The following ADCY9 variants were observed in gnomAD, a reference collection of about 807,000 sequenced individuals.
ADCY9 encodes adenylate cyclase type 9.
ADCY9 carries 50 observed loss-of-function variants against 101.5 expected under a neutral mutation model. The observed-to-expected ratio is 0.49, with a 90% CI of 0.39 to 0.62. ADCY9 has a LOEUF of 0.62. ADCY9 is among the 20% of genes least tolerant of loss of function. The pLI, the probability that ADCY9 is intolerant of heterozygous loss-of-function variation, is 0.00. For synonymous variants in ADCY9, 905 were observed against 769.3 expected, an observed-to-expected ratio of 1.18 and a Z score of -2.92; for missense variants, 1,662 against 1,800.4, an observed-to-expected ratio of 0.92 and a Z score of 1.39.
intron 2 of ADCY9, among the ~76,000 whole-genome samples, chr16:4,017,196 A>G (rs541486103): frequency 6.0e-5 from 9 of 150,164 alleles, no homozygotes; most frequent in African/African-American, 2.2e-4. Context: ...ATACAATAAA[A>G]TAAACTAAAT....
intron 2 of ADCY9, among the ~76,000 whole-genome samples, chr16:4,046,575 G>A (rs1266891174): frequency 6.6e-6 from 1 of 152,182 alleles, no homozygotes; most frequent in Non-Finnish European, 1.5e-5. Flanking sequence ...TGTGAAACTT[G>A]TCTACTTCAT....
chr16:3,999,133 A>T (rs1284477492), intron 3 of ADCY9, among the ~76,000 whole-genome samples: 1 of 152,148 alleles, frequency 6.6e-6, no homozygotes, highest in Non-Finnish European at 1.5e-5. Context: ...CTCCCTGGGA[A>T]GAGTATTTCT....
chr16:4,110,534 C>T (rs1001565325), intron 2 of ADCY9, among the ~76,000 whole-genome samples: 5 of 152,016 alleles, frequency 3.3e-5, no homozygotes, highest in East Asian at 1.9e-4. Context: ...GGATTACAGG[C>T]GCACACCACC....
At chr16:3,974,612 CAGGGT>C (rs1470445773) in intron 10 of ADCY9, 52 bp downstream of exon 10, 16 of 1,415,424 alleles carry the variant, frequency 1.1e-5, no homozygotes, top group Non-Finnish European at 3.0e-6. Flanking sequence ...TCGAAATGGG[CAGGGT>C]AATACAGTCA....
At chr16:3,959,387 C>T (rs183594884), downstream of ADCY9, among the ~76,000 whole-genome samples, 22 of 150,354 alleles carry the variant, frequency 1.5e-4, no homozygotes, top group African/African-American at 5.4e-4. Flanking sequence ...AAAAAATGTC[C>T]GTACTTGATT....
chr16:4,078,852 G>C (rs1034906), intron 2 of ADCY9, among the ~76,000 whole-genome samples: 21,889 of 152,052 alleles, frequency 0.14, 1,612 homozygotes, highest in Middle Eastern at 0.2. Context: ...GTAAGGAAAA[G>C]ACAACCAATT....
intron 2 of ADCY9, among the ~76,000 whole-genome samples, chr16:4,013,659 AC>A (rs2056418832): frequency 6.6e-6 from 1 of 152,236 alleles, no homozygotes; most frequent in African/African-American, 2.4e-5. Flanking sequence ...ATTCTTCCTC[AC>A]GACTAGGTCG....
At chr16:4,003,540 A>C (rs1238734543) in intron 3 of ADCY9, among the ~76,000 whole-genome samples, 3 of 151,292 alleles carry the variant, frequency 2.0e-5, no homozygotes, top group Non-Finnish European at 4.4e-5. Context: ...AGAGGAATTA[A>C]GTGTGTGTTT....
At chr16:4,061,561 C>G (rs2056773664) in intron 2 of ADCY9, among the ~76,000 whole-genome samples, 1 of 152,118 alleles carries the variant, frequency 6.6e-6, no homozygotes, top group African/African-American at 2.4e-5. Flanking sequence ...AGTAAAATGA[C>G]ATATTCAAAG....
chr16:4,036,311 A>T (rs1228137598), intron 2 of ADCY9, among the ~76,000 whole-genome samples: 26 of 151,940 alleles, frequency 1.7e-4, no homozygotes, highest in Admixed American at 1.7e-3. Context: ...TTTTCTTTGA[A>T]AGTCTGTATT....
chr16:4,115,697 G>A lies in ADCY9; in HGVS notation c.-51C>T. On this transcript the variant is annotated 5_prime_UTR_variant, in exon 1 of 11. Coordinates refer to ENST00000294016, the MANE Select transcript of ADCY9 (RefSeq NM_001116.4). The surrounding 1 kb of genome is among the most constrained non-coding windows in gnomAD (Gnocchi z 6.2). ...GAACCGCTCGGGACGGACCTAGAAC[G>A]CCCGGGGGTCCCCGCCGCGTGGCCG... is the stretch of plus-strand genomic sequence containing the variant. 2.3e-6 allele frequency: 1 copy of A among 425,996 alleles called. No homozygotes were observed. Among genetic ancestry groups the A allele is most frequent in the Non-Finnish European group, 4.1e-6 (1 of 244,876 alleles). 26.4% of individuals were successfully genotyped at this position (425,996 alleles called of 1,614,324 possible).
rs140212543 is a variant in ADCY9 at position 3,988,989 on chromosome 16, C to T, written c.2310+5G>A. ...TAGTAAAAGCGCAAGGAGAAATGAA[C>T]GCACCTCTTCCTGATAGCTGGTCCT... On this transcript the variant is annotated splice_donor_5th_base_variant and intron_variant, in intron 6 of 10. Transcript: ENST00000294016. The T allele has an allele frequency of 5.0e-6, 8 of 1,606,270 alleles. No homozygotes were observed. Among genetic ancestry groups the T allele is most frequent in the African/African-American group, 1.3e-5 (1 of 74,856 alleles).
At position 3,963,199 on chromosome 16, in the gene ADCY9, A is replaced by G. The variant is rs2055954510; in HGVS notation, c.*2576T>C. 1 of 367,622 alleles carries G rather than the reference A, an allele frequency of 2.7e-6. No homozygotes were observed. The highest frequency in any genetic ancestry group is 4.8e-6 in the Non-Finnish European group (1 of 209,818). 22.8% of individuals were successfully genotyped at this position (367,622 alleles called of 1,614,324 possible). A position where few individuals can be genotyped will look rare whatever the true frequency, so the allele number is the denominator to read the frequency against. Reference sequence around the variant, plus strand: ...AGAAGAAAATAGCAATTGCAACTCAAAGCAACTATTTACACACATTCAATG... The same window carrying G: ...AGAAGAAAATAGCAATTGCAACTCAGAGCAACTATTTACACACATTCAATG... On this transcript the variant is annotated 3_prime_UTR_variant, in exon 11 of 11. Transcript: ENST00000294016.
At chr16:4,039,666 T>G (rs1597184148) in intron 2 of ADCY9, among the ~76,000 whole-genome samples, 4 of 114,364 alleles carry the variant, frequency 3.5e-5, no homozygotes, top group Admixed American at 1.1e-4. Context: ...GCAACAAGAG[T>G]GAAACTCTGT....
intron 2 of ADCY9, among the ~76,000 whole-genome samples, chr16:4,107,281 T>C (rs990808960): frequency 1.3e-5 from 2 of 152,146 alleles, no homozygotes; most frequent in African/African-American, 4.8e-5. Context: ...CTGGGCGTGG[T>C]GGCTCACGCC....
At chr16:4,050,324 G>A (rs1326506508) in intron 2 of ADCY9, among the ~76,000 whole-genome samples, 22 of 152,246 alleles carry the variant, frequency 1.4e-4, no homozygotes, top group South Asian at 4.2e-4. Flanking sequence ...AGATACGAGC[G>A]GGACAGATGG....
At chr16:4,097,547 A>ATT (rs1393767540) in intron 2 of ADCY9, among the ~76,000 whole-genome samples, 21 of 46,688 alleles carry the variant, frequency 4.5e-4, no homozygotes, top group Admixed American at 1.3e-3. Context: ...ATATATATAT[A>ATT]TATATATTTT....
At chr16:4,060,801 A>G (rs1387061684) in intron 2 of ADCY9, among the ~76,000 whole-genome samples, 1 of 152,228 alleles carries the variant, frequency 6.6e-6, no homozygotes, top group Admixed American at 6.5e-5. Context: ...GAGCTTAAAA[A>G]AATAAAATAT....
At chr16:4,033,487 G>A (rs1471154364) in intron 2 of ADCY9, among the ~76,000 whole-genome samples, 3 of 147,686 alleles carry the variant, frequency 2.0e-5, no homozygotes, top group Admixed American at 6.9e-5. Flanking sequence ...AGGCCAGAGT[G>A]CAGTGGTGTA....
Sources: gnomAD v4.1 joint callset for allele counts (sites outside exome capture counted in the v4.1 genomes callset) on GRCh38, gnomAD v4.1.1 for gene constraint, Gnocchi (gnomAD v3.1) non-coding constraint, MANE v1.5 for transcripts, NCBI Gene and HGNC (gene_info 2026-07-23, HGNC 2026-07-21) for gene names.